SCN1A: variants seen among roughly 807,000 people sequenced by gnomAD.
SCN1A encodes sodium voltage-gated channel alpha subunit 1, also known as sodium channel protein type 1 subunit alpha.
A neutral mutation model predicts 193.7 loss-of-function variants in SCN1A; 13 were observed. That is an observed-to-expected ratio of 0.07 (90% CI 0.04 to 0.11). SCN1A has a LOEUF of 0.11. Ranked by LOEUF, SCN1A falls within the 10% of genes least tolerant of loss-of-function variation. The pLI, the probability that SCN1A is intolerant of heterozygous loss-of-function variation, is 1.00. For synonymous variants in SCN1A, 781 were observed against 843.6 expected, an observed-to-expected ratio of 0.93 and a Z score of 1.29; for missense variants, 1,432 against 2,451.1, an observed-to-expected ratio of 0.58 and a Z score of 8.78.
Position 165,996,002 on chromosome 2 carries a change from A to T in SCN1A, c.4581+11T>A. 1 of 1,549,970 alleles carries T rather than the reference A, an allele frequency of 6.5e-7. No homozygotes were observed. On this transcript the variant is annotated intron_variant, in intron 27 of 28. Coordinates refer to ENST00000674923, the MANE Select transcript of SCN1A (RefSeq NM_001165963.4). ...TTGTATTTTTCCCCCATATCATTTG[A>T]TACTTCTTACTCCTGGTCGAGGTAT...
chr2:166,136,885 G>A (rs781412603), intron 1 of SCN1A, among the ~76,000 whole-genome samples: 5 of 152,110 alleles, frequency 3.3e-5, no homozygotes, highest in South Asian at 2.1e-4. Context: ...AGGTGTGGTC[G>A]GGGAGACTCT....
At chr2:166,071,443 A>G (rs1684404852) in intron 4 of SCN1A, among the ~76,000 whole-genome samples, 1 of 152,214 alleles carries the variant, frequency 6.6e-6, no homozygotes, top group African/African-American at 2.4e-5. Flanking sequence ...CCCTTCCTCT[A>G]CTGTAAAATG....
intron 2 of SCN1A, among the ~76,000 whole-genome samples, chr2:166,084,073 G>A (rs1685821784): frequency 6.6e-6 from 1 of 152,120 alleles, no homozygotes; most frequent in Non-Finnish European, 1.5e-5. Flanking sequence ...AGCAATGAGA[G>A]AGGCACTGCC....
chr2:166,143,167 A>ATTTT (rs66499233), intron 1 of SCN1A, among the ~76,000 whole-genome samples: 2,163 of 126,126 alleles, frequency 0.017, 102 homozygotes, highest in African/African-American at 0.045. Flanking sequence ...AGAACTCAGC[A>ATTTT]TTTTTTTTTT....
intron 20 of SCN1A, among the ~76,000 whole-genome samples, chr2:166,014,466 G>A (rs1352180502): frequency 6.6e-5 from 10 of 151,152 alleles, no homozygotes; most frequent in Non-Finnish European, 1.5e-4. Context: ...CTTTCACTTA[G>A]TCTAAATGCA....
chr2:166,109,907 A>G (rs901580053), intron 2 of SCN1A, among the ~76,000 whole-genome samples: 11 of 152,158 alleles, frequency 7.2e-5, no homozygotes, highest in Non-Finnish European at 1.0e-4. Context: ...ATAAAAATGT[A>G]GTTAGATAGA....
intron 2 of SCN1A, among the ~76,000 whole-genome samples, chr2:166,125,103 C>T (rs993598876): frequency 1.3e-5 from 2 of 152,212 alleles, no homozygotes; most frequent in Admixed American, 6.5e-5. Context: ...TCTTCCCACC[C>T]TACCCTAAAC....
At chr2:166,000,985 G>T (rs9967828) in intron 24 of SCN1A, among the ~76,000 whole-genome samples, 2,290 of 150,568 alleles carry the variant, frequency 0.015, 65 homozygotes, top group African/African-American at 0.053. Context: ...TTAAAGGATT[G>T]CTTAAAATTT....
At chr2:166,072,055 A>T (rs1347892888) in intron 4 of SCN1A, among the ~76,000 whole-genome samples, 1 of 152,190 alleles carries the variant, frequency 6.6e-6, no homozygotes, top group East Asian at 1.9e-4. Context: ...TCAAATTCAC[A>T]TATTACAAAT....
At chr2:166,065,308 T>G (rs1336602068) in intron 4 of SCN1A, among the ~76,000 whole-genome samples, 1 of 152,106 alleles carries the variant, frequency 6.6e-6, no homozygotes, top group Non-Finnish European at 1.5e-5. Context: ...ATTAGAGCCA[T>G]GTTGCAAGAG....
chr2:166,016,910 G>A (rs1693385005), intron 19 of SCN1A, among the ~76,000 whole-genome samples: 1 of 151,242 alleles, frequency 6.6e-6, no homozygotes, highest in South Asian at 2.1e-4. Flanking sequence ...TTGTTAATAT[G>A]AATTTCACAT....
chr2:166,147,394 T>A (rs1692365973), intron 1 of SCN1A, among the ~76,000 whole-genome samples: 1 of 152,060 alleles, frequency 6.6e-6, no homozygotes, highest in Non-Finnish European at 1.5e-5. Context: ...AATTCCCCAT[T>A]TTAAAATGAA....
At chr2:166,083,160 AAATTT>A (rs1388963931) in intron 2 of SCN1A, among the ~76,000 whole-genome samples, 1 of 152,132 alleles carries the variant, frequency 6.6e-6, no homozygotes, top group Non-Finnish European at 1.5e-5. Flanking sequence ...ATTGTTTTAT[AAATTT>A]CTTTTCTAGA....
chr2:166,140,999 G>A (rs1692057789), intron 1 of SCN1A, among the ~76,000 whole-genome samples: 1 of 152,072 alleles, frequency 6.6e-6, no homozygotes, highest in South Asian at 2.1e-4. Flanking sequence ...TTCCCCAGGT[G>A]ATTCTGTGCA....
chr2:166,024,080 AT>A (rs889061151), intron 19 of SCN1A, among the ~76,000 whole-genome samples: 1 of 151,858 alleles, frequency 6.6e-6, no homozygotes, highest in African/African-American at 2.4e-5. Flanking sequence ...CTGGCCAAAA[AT>A]TTTTTTAAAT....
In SCN1A at chr2:166,054,643, T is replaced by C. The variant is rs398123600; in HGVS notation, c.597A>G (p.Thr199=). Residue 199 remains threonine (T), a synonymous_variant, in exon 7 of 29, where the codon ACA becomes ACG. Coordinates refer to ENST00000674923, the MANE Select transcript of SCN1A (RefSeq NM_001165963.4). ...PWNWLDFTVI[T]FAYVTEFVDL... The stretch of plus-strand genomic sequence containing the variant: ...GTTTCAAAAAAGGCACTTACGCAAA[T>C]GTAATGACAGTGAAATCGAGCCAGT... 1.6e-5 allele frequency: 26 copies of C among 1,612,136 alleles called. No homozygotes were observed. In the Admixed American group the frequency reaches 4.2e-4, roughly 26 times the overall value.
intron 2 of SCN1A, among the ~76,000 whole-genome samples, chr2:166,087,120 G>C (rs1157423912): frequency 2.7e-5 from 4 of 150,752 alleles, no homozygotes; most frequent in Admixed American, 6.6e-5. Flanking sequence ...CATTCTCACT[G>C]TAACGAGTGA....
intron 27 of SCN1A, 69 bp downstream of exon 27, chr2:165,995,944 T>G: frequency 9.3e-7 from 1 of 1,077,548 alleles, no homozygotes; most frequent in Non-Finnish European, 1.4e-6. Context: ...AGCTACTTTC[T>G]TTTTTGTGAG....
chr2:165,988,665 A>G lies in SCN1A; in HGVS notation c.*2580T>C, dbSNP rs550232800. ...CTGGTGCTTCTCATTGGCCAAACCA[A>G]TTGGGAGCTCAAAGGTAGGAGAGCC... On this transcript the variant is annotated 3_prime_UTR_variant, in exon 29 of 29. Transcript: ENST00000674923. 2 of 152,288 alleles carry G rather than the reference A, an allele frequency of 1.3e-5. No homozygotes were observed. The highest frequency in any genetic ancestry group is 4.8e-5 in the African/African-American group (2 of 41,550). 9.4% of individuals were successfully genotyped at this position (152,288 alleles called of 1,614,324 possible). A position where few individuals can be genotyped will look rare whatever the true frequency, so the allele number is the denominator to read the frequency against.
Sources: gnomAD v4.1 joint callset for allele counts (sites outside exome capture counted in the v4.1 genomes callset) on GRCh38, gnomAD v4.1.1 for gene constraint, MANE v1.5 for transcripts, NCBI Gene and HGNC (gene_info 2026-07-23, HGNC 2026-07-21) for gene names.